ARMCX4: variants seen among roughly 807,000 people sequenced by gnomAD.
ARMCX4 encodes armadillo repeat containing X-linked 4.
In ARMCX4, 3 loss-of-function variants were observed where a neutral mutation model predicts 34.7. That is an observed-to-expected ratio of 0.09 (90% confidence interval 0.04 to 0.22). The LOEUF (loss-of-function observed/expected upper bound fraction) is 0.22, where lower values mean the gene tolerates loss of function less well. ARMCX4 is among the 10% of genes least tolerant of loss of function. The pLI is 1.00. For missense variants in ARMCX4, 1,448 were observed against 1,720.8 expected (o/e 0.84, Z 2.81); for synonymous variants, 513 against 632.8 (o/e 0.81, Z 2.84).
downstream of ARMCX4, chrX:101,446,201 C>T (rs1200942648): frequency 8.9e-6 from 1 of 112,012 alleles, no homozygotes; most frequent in East Asian, 2.8e-4. Flanking sequence ...TTTGAAACCA[C>T]TTTTTATTTC....
At chrX:101,435,294 C>G (rs1555994179) in intron 2 of ARMCX4, among the ~76,000 whole-genome samples, 1 of 111,778 alleles carries the variant, frequency 8.9e-6, no homozygotes, top group African/African-American at 3.3e-5. Context: ...TCCTCTCCAG[C>G]ACCTGTTGTT....
chrX:101,501,671 T>G (rs1187807335), intron 7 of ARMCX4, among the ~76,000 whole-genome samples: 1 of 112,218 alleles, frequency 8.9e-6, no homozygotes, highest in African/African-American at 3.2e-5. Context: ...AAGGAATGGG[T>G]TTTTGGAATT....
intron 11 of ARMCX4, among the ~76,000 whole-genome samples, chrX:101,530,172 A>G (rs1359952597): frequency 1.8e-5 from 2 of 112,102 alleles, no homozygotes; most frequent in Non-Finnish European, 3.8e-5. Context: ...GGATTAGTTC[A>G]TGTCCTTTGT....
In ARMCX4 at chrX:101,510,067, A is replaced by G. The variant is rs781806069; in HGVS notation, c.*1749+389A>G. Among the ~76,000 whole-genome samples, 176 of 112,177 alleles carry G rather than the reference A, an allele frequency of 1.6e-3. 1 individual carries two copies. The highest frequency in any genetic ancestry group is 4.0e-3 in the Admixed American group (42 of 10,510). ...CACTCAGTTCCCCTTTTCCGAAAACAGATAACTATTGTTATTAGTTTCTTT... is the reference window on the plus strand; with the variant it reads ...CACTCAGTTCCCCTTTTCCGAAAACGGATAACTATTGTTATTAGTTTCTTT... On this transcript the variant is annotated intron_variant and NMD_transcript_variant, in intron 10 of 12. Coordinates refer to the ARMCX4 transcript ENST00000354842.
chrX:101,425,843 C>T (rs900934169), intron 2 of ARMCX4, among the ~76,000 whole-genome samples: 10 of 110,694 alleles, frequency 9.0e-5, no homozygotes, highest in African/African-American at 1.3e-4. Flanking sequence ...TTTTTTGAGA[C>T]AGGGTCTCAC....
At chrX:101,438,914 C>A (rs1555995940) in intron 2 of ARMCX4, among the ~76,000 whole-genome samples, 3 of 111,743 alleles carry the variant, frequency 2.7e-5, no homozygotes, top group African/African-American at 9.8e-5. Flanking sequence ...TGGGTCTTGA[C>A]TCTTTATCCA....
intron 4 of ARMCX4, among the ~76,000 whole-genome samples, chrX:101,480,341 G>C (rs1556005215): frequency 9.0e-6 from 1 of 110,922 alleles, no homozygotes; most frequent in African/African-American, 3.3e-5. Context: ...GTCTGGGTGG[G>C]AGGATCTTTT....
upstream of ARMCX4, among the ~76,000 whole-genome samples, chrX:101,480,952 GTC>G (rs781967444): frequency 3.0e-3 from 331 of 110,928 alleles, no homozygotes; most frequent in African/African-American, 9.2e-3. Context: ...GCAAAAACCC[GTC>G]TATACCAAAA....
chrX:101,520,328 G>A lies in ARMCX4; in HGVS notation c.*1780+9273G>A, dbSNP rs782749104. ...TGGCTAGGACCTCCACTAAAATGGT[G>A]AATAAAAGTGGTAAGAGCAGATATC... On this transcript the variant is annotated intron_variant and NMD_transcript_variant, in intron 11 of 12. Coordinates refer to the ARMCX4 transcript ENST00000354842. Among the ~76,000 whole-genome samples, 5 of 112,100 alleles carry A rather than the reference G, an allele frequency of 4.5e-5. No homozygotes were observed. In the East Asian group the frequency reaches 1.4e-3, roughly 31 times the overall value.
At chrX:101,499,378 A>G (rs1421820975), downstream of ARMCX4, 1 of 111,737 alleles carries the variant, frequency 8.9e-6, no homozygotes, top group African/African-American at 3.3e-5. Flanking sequence ...TGAGAATTAT[A>G]TAATAAACCT....
intron 2 of ARMCX4, among the ~76,000 whole-genome samples, chrX:101,426,057 A>G (rs73561158): frequency 9.0e-6 from 1 of 110,698 alleles, no homozygotes; most frequent in African/African-American, 3.3e-5. Context: ...TCCAGGGCTC[A>G]AGCAATCTGC....
At chrX:101,435,575 C>G (rs782622018) in intron 2 of ARMCX4, among the ~76,000 whole-genome samples, 1 of 109,844 alleles carries the variant, frequency 9.1e-6, no homozygotes, top group Non-Finnish European at 1.9e-5. Context: ...AAAATTTTCT[C>G]CCATTCTGTA....
chrX:101,495,108 G>C lies in ARMCX4; in HGVS notation c.6519G>C (p.Thr2173=). The change falls in exon 6 of 6, where the codon ACG becomes ACC. Residue 2173 remains threonine (T), a synonymous_variant. Transcript: ENST00000423738. The part of the protein sequence containing the change: ...NYISEFLRLL[T]VGSGETKDHV... Reference sequence around the variant, plus strand: ...TTTCAGAATTTCTTCGTTTGTTAACGGTGGGAAGTGGAGAAACTAAAGACC... The same window carrying C: ...TTTCAGAATTTCTTCGTTTGTTAACCGTGGGAAGTGGAGAAACTAAAGACC... 8.7e-7 allele frequency: 1 copy of C among 1,154,241 alleles called. No individual in the cohort carries two copies. The highest frequency in any genetic ancestry group is 1.1e-6 in the Non-Finnish European group (1 of 871,507).
intron 4 of ARMCX4, among the ~76,000 whole-genome samples, chrX:101,473,091 C>T (rs1338412834): frequency 3.6e-5 from 4 of 110,596 alleles, no homozygotes; most frequent in African/African-American, 1.3e-4. Context: ...CACATAGGCT[C>T]AAAATAAAGG....
chrX:101,521,942 T>G (rs1556019197), intron 11 of ARMCX4, among the ~76,000 whole-genome samples: 1 of 111,677 alleles, frequency 9.0e-6, no homozygotes, highest in Non-Finnish European at 1.9e-5. Context: ...CTGAAGAATG[T>G]TCCATGTGTC....
upstream of ARMCX4, among the ~76,000 whole-genome samples, chrX:101,481,930 A>T (rs1332463478): frequency 3.6e-5 from 4 of 111,482 alleles, no homozygotes; most frequent in Non-Finnish European, 7.5e-5. Flanking sequence ...AAGTTGCAAA[A>T]CAGTATGTTA....
chrX:101,510,028 C>A (rs908041940), intron 10 of ARMCX4, among the ~76,000 whole-genome samples: 3 of 111,651 alleles, frequency 2.7e-5, no homozygotes, highest in Non-Finnish European at 5.6e-5. Context: ...TTCCTCCAAC[C>A]AACATTCTTC....
intron 2 of ARMCX4, among the ~76,000 whole-genome samples, chrX:101,425,365 G>T (rs1011613537): frequency 3.0e-4 from 33 of 109,571 alleles, no homozygotes; most frequent in African/African-American, 1.1e-3. Flanking sequence ...GAACAGATTG[G>T]AGTGTGGTTA....
chrX:101,485,743 A>T (rs1025302314), intron 1 of ARMCX4, among the ~76,000 whole-genome samples: 1 of 112,201 alleles, frequency 8.9e-6, no homozygotes, highest in Admixed American at 9.4e-5. Flanking sequence ...TGCCAGAGGG[A>T]AATACAGAGA....
Sources: gnomAD v4.1 joint callset for allele counts (sites outside exome capture counted in the v4.1 genomes callset) on GRCh38, gnomAD v4.1.1 for gene constraint, MANE v1.5 for transcripts, NCBI Gene and HGNC (gene_info 2026-07-23, HGNC 2026-07-21) for gene names.